PCCB: variants seen among roughly 807,000 people sequenced by gnomAD.
PCCB encodes propionyl-CoA carboxylase beta chain, mitochondrial.
PCCB carries 43 observed loss-of-function variants against 60.7 expected under a neutral mutation model. The ratio of observed to expected loss-of-function variants is 0.71; its 90% CI spans 0.55 to 0.91. The LOEUF (loss-of-function observed/expected upper bound fraction) is 0.91, where lower values mean the gene tolerates loss of function less well. Ranked by LOEUF, PCCB falls within the 40% of genes least tolerant of loss-of-function variation. PCCB has a pLI of 0.00. For synonymous variants in PCCB, 276 were observed against 255.9 expected (o/e 1.08, Z -0.75); for missense variants, 766 against 702.8 (o/e 1.09, Z -1.02).
At position 136,315,338 on chromosome 3, in the gene PCCB, A is replaced by T. The variant is rs921072543; in HGVS notation, c.967-1603A>T. The stretch of plus-strand genomic sequence containing the variant: ...GGATCACGAGGTCGAGATCGAGACT[A>T]TTCTGACCAACATGGTGAAACCATC... On this transcript the variant is annotated intron_variant, in intron 9 of 14. Coordinates refer to ENST00000251654, the MANE Select transcript of PCCB (RefSeq NM_000532.5). Among the ~76,000 whole-genome samples, 8 of 151,342 alleles carry T rather than the reference A, an allele frequency of 5.3e-5. No individual in the cohort carries two copies. In the East Asian group the frequency reaches 7.8e-4, roughly 15 times the overall value.
intron 5 of PCCB, among the ~76,000 whole-genome samples, chr3:136,283,102 C>A (rs899016500): frequency 6.6e-6 from 1 of 152,118 alleles, no homozygotes; most frequent in African/African-American, 2.4e-5. Context: ...GGGCTTAGAG[C>A]CAAGGCAGGC....
intron 5 of PCCB, among the ~76,000 whole-genome samples, chr3:136,263,259 T>TTG (rs1553775048): frequency 2.0e-5 from 3 of 148,434 alleles, no homozygotes; most frequent in South Asian, 4.3e-4. Flanking sequence ...AGCTGGTTTT[T>TTG]TTTTTTTTTT....
chr3:136,324,506 G>A (rs191636391), intron 10 of PCCB, among the ~76,000 whole-genome samples: 101 of 151,926 alleles, frequency 6.6e-4, no homozygotes, highest in African/African-American at 2.3e-3. Context: ...TTTTCTGATC[G>A]TGTATCTCAT....
chr3:136,295,866 G>A (rs57393330), intron 7 of PCCB, among the ~76,000 whole-genome samples: 1,751 of 149,562 alleles, frequency 0.012, 23 homozygotes, highest in African/African-American at 0.041. Flanking sequence ...ACAGCTTAAA[G>A]TAATGAATGT....
At chr3:136,252,903 G>GTTTTTT (rs1355883784) in intron 1 of PCCB, among the ~76,000 whole-genome samples, 2 of 72,620 alleles carry the variant, frequency 2.8e-5, no homozygotes, top group Non-Finnish European at 2.9e-5. Context: ...CCTGTTTTTT[G>GTTTTTT]TTTTGTTTTT....
At chr3:136,328,215 G>C (rs2108239724) in intron 13 of PCCB, among the ~76,000 whole-genome samples, 1 of 152,224 alleles carries the variant, frequency 6.6e-6, no homozygotes. Context: ...ACTCCTCCCT[G>C]CTTTGAAGTA....
intron 3 of PCCB, among the ~76,000 whole-genome samples, chr3:136,258,936 A>G (rs1486750239): frequency 6.6e-6 from 1 of 151,722 alleles, no homozygotes; most frequent in East Asian, 1.9e-4. Context: ...CCTCTAAATC[A>G]GGTATTTTCT....
At chr3:136,254,859 C>T (rs540201540) in intron 1 of PCCB, among the ~76,000 whole-genome samples, 12 of 150,418 alleles carry the variant, frequency 8.0e-5, no homozygotes, top group Non-Finnish European at 1.5e-4. Context: ...AGAGCTCTGA[C>T]CTCATCTCCT....
chr3:136,273,597 C>CTTTTTTTTT, intron 5 of PCCB, among the ~76,000 whole-genome samples: 9 of 45,220 alleles, frequency 2.0e-4, no homozygotes, highest in African/African-American at 6.2e-4. Context: ...TTTCTTTTTT[C>CTTTTTTTTT]TTTTTTTTTT....
At chr3:136,291,761 G>A (rs1264934316) in intron 6 of PCCB, among the ~76,000 whole-genome samples, 2 of 152,230 alleles carry the variant, frequency 1.3e-5, no homozygotes, top group African/African-American at 4.8e-5. Context: ...TGTTAAGAAT[G>A]ATGCTCTCGT....
intron 6 of PCCB, among the ~76,000 whole-genome samples, chr3:136,284,625 G>C (rs577426041): frequency 6.6e-6 from 1 of 152,234 alleles, no homozygotes; most frequent in Admixed American, 6.5e-5. Flanking sequence ...TTGAGGAGAG[G>C]AGTTCTAGAG....
At chr3:136,252,210 C>T (rs1432950378) in intron 1 of PCCB, 2 of 450,418 alleles carry the variant, frequency 4.4e-6, no homozygotes, top group Non-Finnish European at 8.9e-6. Flanking sequence ...AATTTTTGAC[C>T]ATTTCCGTAG....
At chr3:136,297,051 G>A (rs917317171) in intron 7 of PCCB, among the ~76,000 whole-genome samples, 1 of 152,192 alleles carries the variant, frequency 6.6e-6, no homozygotes, top group East Asian at 1.9e-4. Context: ...AGGGTAAAGG[G>A]GACTGGGATT....
At chr3:136,260,296 T>G (rs1941786202) in intron 3 of PCCB, 183 bp from the exon 4 acceptor site, 2 of 682,562 alleles carry the variant, frequency 2.9e-6, no homozygotes, top group Non-Finnish European at 5.3e-6. Context: ...CAGGCTGGTC[T>G]CAGACTCCTG....
At chr3:136,281,817 G>C (rs78416719) in intron 5 of PCCB, among the ~76,000 whole-genome samples, 1,923 of 152,124 alleles carry the variant, frequency 0.013, 33 homozygotes, top group East Asian at 0.047. Flanking sequence ...TTGAACTTTT[G>C]CAAGCTGTTT....
At chr3:136,292,450 G>T (rs1183928427) in intron 6 of PCCB, among the ~76,000 whole-genome samples, 1 of 152,118 alleles carries the variant, frequency 6.6e-6, no homozygotes, top group Non-Finnish European at 1.5e-5. Flanking sequence ...AATGGGCAAA[G>T]AACATGAATA....
chr3:136,276,301 ATACTCAG>A (rs769714522), intron 5 of PCCB, among the ~76,000 whole-genome samples: 9 of 152,170 alleles, frequency 5.9e-5, no homozygotes, highest in Non-Finnish European at 1.2e-4. Context: ...GGTAAATGCA[ATACTCAG>A]TAAGGCAGAG....
intron 3 of PCCB, among the ~76,000 whole-genome samples, chr3:136,259,415 A>G (rs1302392470): frequency 1.3e-5 from 2 of 152,218 alleles, no homozygotes; most frequent in African/African-American, 4.8e-5. Context: ...CAGTGAGCCA[A>G]GATTACGCCA....
At chr3:136,303,972 C>A (rs1296826798) in intron 9 of PCCB, among the ~76,000 whole-genome samples, 3 of 120,470 alleles carry the variant, frequency 2.5e-5, no homozygotes, top group African/African-American at 7.6e-5. Context: ...ATAGCTTAAA[C>A]AACAGAAATT....
Sources: allele counts gnomAD v4.1 joint callset (sites outside exome capture counted in the v4.1 genomes callset), GRCh38; gene constraint gnomAD v4.1.1; transcripts MANE v1.5; gene names NCBI Gene and HGNC (gene_info 2026-07-23, HGNC 2026-07-21).